Variants in IL10RB observed in about 807,000 individuals in gnomAD.
The protein encoded by IL10RB is interleukin 10 receptor subunit beta.
A neutral mutation model predicts 38.7 loss-of-function variants in IL10RB; 30 were observed. That is an observed-to-expected ratio of 0.78 (90% CI 0.58 to 1.05). The LOEUF is 1.05. Among genes scored for constraint, IL10RB ranks in the 50% least tolerant of loss-of-function variants. The pLI is 0.00. For missense variants in IL10RB, 328 were observed against 397.1 expected, an observed-to-expected ratio of 0.83 and a Z score of 1.48; for synonymous variants, 142 against 145.9, an observed-to-expected ratio of 0.97 and a Z score of 0.19.
rs28385663 is a variant in IL10RB, at chr21:33,286,222, C to T, written c.647-1882C>T. On this transcript the variant is annotated intron_variant, in intron 5 of 6. Transcript: ENST00000290200. ...CACTGTGACAAGCACCATGTCGTGC[C>T]AGCAGGTGACTGCACTTGCTGTAGC... Among the ~76,000 whole-genome samples the T allele has an allele frequency of 1.5e-3, 230 of 152,338 alleles. 1 individual carries two copies. Among genetic ancestry groups the T allele is most frequent in the Non-Finnish European group, 2.7e-3 (187 of 68,030 alleles).
chr21:33,268,189 T>G (rs1292256028), intron 1 of IL10RB: 1 of 1,462,944 alleles, frequency 6.8e-7, no homozygotes, highest in African/African-American at 1.4e-5. Context: ...CCCATTTTAC[T>G]CCTGCCCCTC....
At chr21:33,304,613 A>G (rs1361763953) in intron 1 of IL10RB, among the ~76,000 whole-genome samples, 1 of 152,136 alleles carries the variant, frequency 6.6e-6, no homozygotes, top group African/African-American at 2.4e-5. Context: ...AAGGCCCCCT[A>G]CCTTTGAGCA....
chr21:33,295,414 G>A (rs1380219179), intron 6 of IL10RB, among the ~76,000 whole-genome samples: 2 of 149,198 alleles, frequency 1.3e-5, no homozygotes, highest in Non-Finnish European at 3.0e-5. Context: ...GCTCACACCT[G>A]TAATCCTGAC....
At chr21:33,287,947 A>G (rs1014795382) in intron 5 of IL10RB, among the ~76,000 whole-genome samples, 157 bp from the exon 6 acceptor site, 2 of 152,212 alleles carry the variant, frequency 1.3e-5, no homozygotes, top group African/African-American at 4.8e-5. Context: ...AAACTCTTCA[A>G]AAACCTCTGG....
At chr21:33,267,835 A>G (rs1008220858) in intron 1 of IL10RB, 7 of 167,490 alleles carry the variant, frequency 4.2e-5, no homozygotes, top group Non-Finnish European at 7.9e-5. Flanking sequence ...ATTTTCTATT[A>G]AAAGGTTTGA....
At chr21:33,278,049 A>C (rs1453643314) in intron 3 of IL10RB, among the ~76,000 whole-genome samples, 3 of 45,246 alleles carry the variant, frequency 6.6e-5, no homozygotes, top group Non-Finnish European at 1.3e-4. Flanking sequence ...AAAATACCAA[A>C]AAAAAAAAAA....
At chr21:33,269,050 G>A (rs1989027610) in intron 2 of IL10RB, among the ~76,000 whole-genome samples, 1 of 152,116 alleles carries the variant, frequency 6.6e-6, no homozygotes, top group Non-Finnish European at 1.5e-5. Context: ...CACATAATTT[G>A]CATAATGAGT....
chr21:33,292,238 T>C (rs1989502890), intron 6 of IL10RB, among the ~76,000 whole-genome samples: 1 of 152,166 alleles, frequency 6.6e-6, no homozygotes, highest in Admixed American at 6.5e-5. Context: ...GCTGCTTTTC[T>C]TTCCACATAA....
Position 33,297,022 on chromosome 21 carries a change from A to T in IL10RB, c.*665A>T, listed in dbSNP as rs1425017968. 4 of 174,952 alleles carry T rather than the reference A, an allele frequency of 2.3e-5. No homozygotes were observed. The highest frequency in any genetic ancestry group is 4.9e-5 in the Non-Finnish European group (4 of 81,492). The allele number at this position is 174,952 out of a possible 1,614,324, so 10.8% of individuals were successfully genotyped here. ...AATGAGGAATAAGAATGGAGATGTTACATCTGGTAGATGTAACATTCTACC... is the reference window on the plus strand; with the variant it reads ...AATGAGGAATAAGAATGGAGATGTTTCATCTGGTAGATGTAACATTCTACC... On this transcript the variant is annotated 3_prime_UTR_variant, in exon 7 of 7. Coordinates refer to ENST00000290200, the MANE Select transcript of IL10RB (RefSeq NM_000628.5).
intron 5 of IL10RB, among the ~76,000 whole-genome samples, chr21:33,284,495 A>G (rs1377349169): frequency 1.3e-5 from 2 of 152,216 alleles, no homozygotes; most frequent in Non-Finnish European, 2.9e-5. Flanking sequence ...CAATGAGAGC[A>G]TTAGAAGGAT....
Position 33,276,481 on chromosome 21 carries a change from T to A in IL10RB, c.174-115T>A. 3.8e-6 allele frequency: 3 copies of A among 799,516 alleles called. No individual in the cohort carries two copies. In the South Asian group the frequency reaches 4.2e-5, roughly 11 times the overall value. The allele number at this position is 799,516 out of a possible 1,614,324, so 49.5% of individuals were successfully genotyped here. On this transcript the variant is annotated intron_variant, in intron 2 of 6. Transcript: ENST00000290200. Reference sequence around the variant, plus strand: ...TCTGTTTTGAAGACACGTATTTCTATGTTTAACACAGTTTCCACTCCCGCG... The same window carrying A: ...TCTGTTTTGAAGACACGTATTTCTAAGTTTAACACAGTTTCCACTCCCGCG...
At chr21:33,269,202 C>T (rs553410060) in intron 2 of IL10RB, among the ~76,000 whole-genome samples, 6 of 152,344 alleles carry the variant, frequency 3.9e-5, no homozygotes, top group South Asian at 2.1e-4. Flanking sequence ...GTGATCTGAA[C>T]GCCCTCTACC....
At chr21:33,272,663 T>A (rs181959943) in intron 2 of IL10RB, among the ~76,000 whole-genome samples, 16 of 152,326 alleles carry the variant, frequency 1.1e-4, no homozygotes, top group Admixed American at 1.0e-3. Context: ...TCCAGGCTGT[T>A]CTCAAACTCC....
chr21:33,288,212 C>A lies in IL10RB; in HGVS notation c.755C>A (p.Thr252Lys), dbSNP rs748240803. Residue 252 changes from threonine to lysine, a missense_variant, in exon 6 of 7, where the codon ACA (threonine) becomes AAA (lysine). Physicochemically the swap from Thr to Lys is moderately conservative, Grantham distance 78. Coordinates refer to ENST00000290200, the MANE Select transcript of IL10RB (RefSeq NM_000628.5). ...TTGCTGTGGTGCGTTTACAAGAAGACAAAGTACGCCTTCTCCCCTAGGAAT... is the reference window on the plus strand; with the variant it reads ...TTGCTGTGGTGCGTTTACAAGAAGAAAAAGTACGCCTTCTCCCCTAGGAAT... ...FALLWCVYKKTKYAFSPRNSL... is the reference protein window; with the variant it reads ...FALLWCVYKKKKYAFSPRNSL... The A allele has an allele frequency of 6.2e-7, 1 of 1,614,104 alleles. No individual in the cohort carries two copies. The highest frequency in any genetic ancestry group is 8.5e-7 in the Non-Finnish European group (1 of 1,179,976).
At chr21:33,271,278 G>A (rs980948598) in intron 2 of IL10RB, among the ~76,000 whole-genome samples, 4 of 152,210 alleles carry the variant, frequency 2.6e-5, no homozygotes, top group East Asian at 3.8e-4. Context: ...TCTGTTGTTT[G>A]CGTGCATTGG....
downstream of IL10RB, among the ~76,000 whole-genome samples, chr21:33,298,108 C>T (rs908027616): frequency 6.6e-6 from 1 of 152,186 alleles, no homozygotes. Flanking sequence ...AGAAGTGAAA[C>T]TCACCCACAT....
downstream of IL10RB, among the ~76,000 whole-genome samples, chr21:33,298,151 A>G (rs145548339): frequency 1.0e-3 from 159 of 152,336 alleles, no homozygotes; most frequent in African/African-American, 3.7e-3. Flanking sequence ...TCAAAAATCT[A>G]TGGATTTAAA....
chr21:33,291,512 C>T lies in IL10RB; in HGVS notation c.804+3251C>T, dbSNP rs8178544. ...AACTCCTGACCTCAAGTGATCTGCC[C>T]GCCCTGGCCTCCCAAAGTGCTGGGA... On this transcript the variant is annotated intron_variant, in intron 6 of 6. Transcript: ENST00000290200. 6.5e-4 allele frequency among the ~76,000 whole-genome samples: 99 copies of T among 152,248 alleles called. 1 individual carries two copies. Among genetic ancestry groups the T allele is most frequent in the African/African-American group, 2.1e-3 (87 of 41,536 alleles).
intron 1 of IL10RB, among the ~76,000 whole-genome samples, chr21:33,306,941 C>A (rs1315465926): frequency 1.3e-5 from 2 of 152,016 alleles, no homozygotes; most frequent in Non-Finnish European, 2.9e-5. Flanking sequence ...GAGCTAAGCG[C>A]CTGGTAACCT....
Sources: allele counts gnomAD v4.1 joint callset (sites outside exome capture counted in the v4.1 genomes callset), GRCh38; gene constraint gnomAD v4.1.1; transcripts MANE v1.5; gene names NCBI Gene and HGNC (gene_info 2026-07-23, HGNC 2026-07-21).